CCDC50: variants seen among roughly 807,000 people sequenced by gnomAD.
CCDC50 encodes the protein coiled-coil domain-containing protein 50.
In CCDC50, 54 loss-of-function variants were observed where a neutral mutation model predicts 70.2. That is an observed-to-expected ratio of 0.77 (90% CI 0.62 to 0.96). CCDC50 has a LOEUF of 0.96. CCDC50 is among the 50% of genes least tolerant of loss of function. CCDC50 has a pLI of 0.00. For synonymous variants in CCDC50, 216 were observed against 198.8 expected, an observed-to-expected ratio of 1.09 and a Z score of -0.73; for missense variants, 558 against 578.7, an observed-to-expected ratio of 0.96 and a Z score of 0.37.
chr3:191,376,876 G>A (rs1340717864), intron 6 of CCDC50, among the ~76,000 whole-genome samples: 1 of 152,136 alleles, frequency 6.6e-6, no homozygotes, highest in Non-Finnish European at 1.5e-5. Context: ...GGGGAAGTAT[G>A]GAGGAAGAAT....
chr3:191,370,103 GTTCATA>G, intron 5 of CCDC50, 67 bp downstream of exon 5: 1 of 1,152,710 alleles, frequency 8.7e-7, no homozygotes, highest in Non-Finnish European at 1.3e-6. Flanking sequence ...CTTTAATTTT[GTTCATA>G]AAGTGACCTT....
intron 4 of CCDC50, among the ~76,000 whole-genome samples, chr3:191,364,028 T>G (rs541695480): frequency 1.6e-4 from 25 of 152,194 alleles, no homozygotes; most frequent in Admixed American, 1.5e-3. Flanking sequence ...TTCCGGCCAA[T>G]TTTTGAAAAA....
chr3:191,394,068 A>T lies in CCDC50; in HGVS notation c.*2308A>T, dbSNP rs1196293149. ...ACTGGAGATACTGCATTCAAAAAAA[A>T]GTCGGACCACTTAACACTTACCAGG... On this transcript the variant is annotated 3_prime_UTR_variant, in exon 12 of 12. Coordinates refer to ENST00000392455, the MANE Select transcript of CCDC50 (RefSeq NM_178335.3). 2.0e-5 allele frequency: 3 copies of T among 152,170 alleles called. No homozygotes were observed. The highest frequency in any genetic ancestry group is 4.4e-5 in the Non-Finnish European group (3 of 68,000). 9.4% of individuals were successfully genotyped at this position (152,170 alleles called of 1,614,324 possible).
chr3:191,332,566 T>G (rs556041028), intron 1 of CCDC50, among the ~76,000 whole-genome samples: 3 of 152,368 alleles, frequency 2.0e-5, no homozygotes, highest in South Asian at 4.1e-4. Context: ...CATTTTAAAC[T>G]TCAGTAGGTC....
Position 191,329,470 on chromosome 3 carries a change from C to A in CCDC50, c.-205C>A. Reference sequence around the variant, plus strand: ...GGTGGCCGCGGCGGGGCAGCTGGGCCGCCAGCTTGGTGCCTCGGGGACCGT... The same window carrying A: ...GGTGGCCGCGGCGGGGCAGCTGGGCAGCCAGCTTGGTGCCTCGGGGACCGT... On this transcript the variant is annotated 5_prime_UTR_variant, in exon 1 of 12. Transcript: ENST00000392455. The A allele has an allele frequency of 2.1e-6, 1 of 479,606 alleles. No homozygotes were observed. Among genetic ancestry groups the A allele is most frequent in the Non-Finnish European group, 3.6e-6 (1 of 274,252 alleles). The allele number at this position is 479,606 out of a possible 1,614,324, so 29.7% of individuals were successfully genotyped here.
At chr3:191,340,270 A>G (rs1711675877) in intron 1 of CCDC50, among the ~76,000 whole-genome samples, 1 of 152,190 alleles carries the variant, frequency 6.6e-6, no homozygotes, top group Admixed American at 6.5e-5. Flanking sequence ...TGTAATTAAG[A>G]GGGCTCTTTA....
At chr3:191,378,814 C>T (rs176821) in intron 6 of CCDC50, among the ~76,000 whole-genome samples, 1 of 151,216 alleles carries the variant, frequency 6.6e-6, no homozygotes, top group Non-Finnish European at 1.5e-5. Context: ...CATAAGACTC[C>T]GTGGCTCTAG....
intron 1 of CCDC50, among the ~76,000 whole-genome samples, chr3:191,349,781 T>C (rs1712042414): frequency 7.1e-6 from 1 of 141,600 alleles, no homozygotes; most frequent in South Asian, 2.2e-4. Flanking sequence ...CCGACTGTGA[T>C]TGCTAGAAGT....
intron 1 of CCDC50, among the ~76,000 whole-genome samples, chr3:191,336,974 T>C (rs570535900): frequency 8.5e-5 from 13 of 152,318 alleles, no homozygotes; most frequent in Non-Finnish European, 1.5e-4. Flanking sequence ...AAAAAAATAA[T>C]GTTTTGTGAT....
chr3:191,375,606 T>G lies in CCDC50; in HGVS notation c.976+17T>G. 1 of 1,609,932 alleles carries G rather than the reference T, an allele frequency of 6.2e-7. No homozygotes were observed. On this transcript the variant is annotated intron_variant, in intron 6 of 11. Coordinates refer to ENST00000392455, the MANE Select transcript of CCDC50 (RefSeq NM_178335.3). ...ATGACGCAGGTAATAGAGGACAGTC[T>G]CGATGGAAGTCCTGGTATCATGTAT...
chr3:191,354,651 T>C (rs1712215110), intron 1 of CCDC50, among the ~76,000 whole-genome samples: 1 of 152,180 alleles, frequency 6.6e-6, no homozygotes, highest in Non-Finnish European at 1.5e-5. Context: ...ACCTATCATC[T>C]CTGTATGTAT....
At position 191,357,108 on chromosome 3, in the gene CCDC50, C is replaced by T; in HGVS notation, c.70C>T (p.Leu24=). The change falls in exon 2 of 12, where the codon CTG becomes TTG. Residue 24 remains leucine, a synonymous_variant. Transcript: ENST00000392455. ...TCTAGTATGCCGAGATTTTGCTGTC[C>T]TGGAGGACCACACCCTGGCTCACAG... The part of the protein sequence containing the change: ...VKEVCRDFAV[L]EDHTLAHSLQ... The T allele has an allele frequency of 1.2e-6, 2 of 1,613,062 alleles. No individual in the cohort carries two copies. The highest frequency in any genetic ancestry group is 1.7e-6 in the Non-Finnish European group (2 of 1,179,346).
At chr3:191,370,501 T>G (rs893136518) in intron 5 of CCDC50, among the ~76,000 whole-genome samples, 1 of 151,496 alleles carries the variant, frequency 6.6e-6, no homozygotes, top group African/African-American at 2.4e-5. Context: ...TTTTTTTGTT[T>G]TTTTTGAGAT....
rs150185161 is a variant in CCDC50, at chr3:191,380,259, A to G, written c.1077A>G (p.Gln359=). Residue 359 remains glutamine (Q), a synonymous_variant, in exon 7 of 12, where the codon CAA becomes CAG. Coordinates refer to ENST00000392455, the MANE Select transcript of CCDC50 (RefSeq NM_178335.3). ...WYDAEIARKL[Q]EEELLATQVD... is the part of the protein sequence containing the mutation. Reference sequence around the variant, plus strand: ...ATGCTGAAATTGCCAGAAAACTGCAAGAAGAAGAACTTTTGGTGAGCAAAT... The same window carrying G: ...ATGCTGAAATTGCCAGAAAACTGCAGGAAGAAGAACTTTTGGTGAGCAAAT... 9.9e-5 allele frequency: 159 copies of G among 1,611,906 alleles called. No homozygotes were observed. The highest frequency in any genetic ancestry group is 4.9e-4 in the Middle Eastern group (3 of 6,080).
intron 1 of CCDC50, among the ~76,000 whole-genome samples, chr3:191,331,547 A>G (rs1717985238): frequency 6.6e-6 from 1 of 152,228 alleles, no homozygotes; most frequent in East Asian, 1.9e-4. Flanking sequence ...AAGAAAATTC[A>G]GTGTGGCTCT....
chr3:191,364,321 C>G (rs1712602157), intron 4 of CCDC50, among the ~76,000 whole-genome samples: 1 of 151,934 alleles, frequency 6.6e-6, no homozygotes, highest in Admixed American at 6.6e-5. Context: ...CCCACCTCAG[C>G]CTCCCAAAGT....
chr3:191,387,125 G>A (rs1713523057), intron 10 of CCDC50, among the ~76,000 whole-genome samples: 1 of 152,122 alleles, frequency 6.6e-6, no homozygotes, highest in East Asian at 1.9e-4. Flanking sequence ...CAGTCAACAA[G>A]AATGAACTCT....
intron 3 of CCDC50, among the ~76,000 whole-genome samples, chr3:191,359,349 G>T (rs1166943348): frequency 6.6e-6 from 1 of 152,182 alleles, no homozygotes; most frequent in East Asian, 1.9e-4. Flanking sequence ...AAGAAGTTCA[G>T]TGTTGCTGGA....
At chr3:191,366,760 G>A (rs1712706442) in intron 4 of CCDC50, among the ~76,000 whole-genome samples, 1 of 151,484 alleles carries the variant, frequency 6.6e-6, no homozygotes, top group South Asian at 2.1e-4. Context: ...TGAAAGGTGT[G>A]TTTTTTTTGG....
Sources: gnomAD v4.1 joint callset for allele counts (sites outside exome capture counted in the v4.1 genomes callset) on GRCh38, gnomAD v4.1.1 for gene constraint, MANE v1.5 for transcripts, NCBI Gene and HGNC (gene_info 2026-07-23, HGNC 2026-07-21) for gene names.